The following ZYG11A variants were observed in gnomAD, a reference collection of about 807,000 sequenced individuals.
ZYG11A encodes protein zyg-11 homolog A.
ZYG11A carries 62 observed loss-of-function variants against 77.2 expected under a neutral mutation model. The ratio of observed to expected loss-of-function variants is 0.80; its 90% confidence interval spans 0.65 to 0.99. ZYG11A has a LOEUF of 0.99. Among genes scored for constraint, ZYG11A ranks in the 50% least tolerant of loss-of-function variants. ZYG11A has a pLI of 0.00. For synonymous variants in ZYG11A, 315 were observed against 324.6 expected (o/e 0.97, Z 0.32); for missense variants, 828 against 896.8 (o/e 0.92, Z 0.98).
rs1280898647 is a variant in ZYG11A, at chr1:52,894,050, A to C, written c.*1093A>C. 2.0e-5 allele frequency: 3 copies of C among 151,782 alleles called. No individual in the cohort carries two copies. Among genetic ancestry groups the C allele is most frequent in the African/African-American group, 7.3e-5 (3 of 41,284 alleles). The allele number at this position is 151,782 out of a possible 1,614,324, so 9.4% of individuals were successfully genotyped here. On this transcript the variant is annotated 3_prime_UTR_variant, in exon 14 of 14. Transcript: ENST00000371528. ...CTGGTCTCGACCTCCTGACCTCGTG[A>C]TCCACCCGTCTCGGCCTCCCAAAGT...
rs1645830810 is a variant in ZYG11A at position 52,857,268 on chromosome 1, T to A, written c.527T>A (p.Phe176Tyr). The A allele has an allele frequency of 1.9e-6, 3 of 1,552,062 alleles. No individual in the cohort carries two copies. The Admixed American group carries it at 5.9e-5, about 30-fold the overall frequency. ...TSIPQNSRLL[F>Y]FSQLTGLRIL... is the part of the protein sequence containing the mutation. ...ATCCCTCAAAATTCAAGATTACTGT[T>A]CTTTAGTCAGCTCACTGGTCTTCGC... The change falls in exon 3 of 14, where the codon TTC (phenylalanine) becomes TAC (tyrosine). Residue 176 changes from phenylalanine to tyrosine, a missense_variant. Phe to Tyr is a conservative substitution (Grantham distance 22). Coordinates refer to ENST00000371528, the MANE Select transcript of ZYG11A (RefSeq NM_001004339.3).
Position 52,842,844 on chromosome 1 carries a change from A to T in ZYG11A, c.-40A>T. 1 of 1,519,342 alleles carries T rather than the reference A, an allele frequency of 6.6e-7. No homozygotes were observed. Among genetic ancestry groups the T allele is most frequent in the Non-Finnish European group, 8.8e-7 (1 of 1,130,948 alleles). 94.1% of individuals were successfully genotyped at this position (1,519,342 alleles called of 1,614,324 possible). On this transcript the variant is annotated 5_prime_UTR_variant, in exon 1 of 14. Coordinates refer to ENST00000371528, the MANE Select transcript of ZYG11A (RefSeq NM_001004339.3). ...CTCGCGGGATCCGGGCTCCGGCTCG[A>T]CGCCGGCTCTCTTTTTGACGCCCCG...
At chr1:52,863,090 C>G (rs955741512) in intron 4 of ZYG11A, among the ~76,000 whole-genome samples, 2 of 152,096 alleles carry the variant, frequency 1.3e-5, no homozygotes, top group Non-Finnish European at 2.9e-5. Context: ...TTCTAAATTG[C>G]AGATGATGGC....
intron 8 of ZYG11A, among the ~76,000 whole-genome samples, chr1:52,876,340 G>A (rs1472224025): frequency 1.3e-5 from 2 of 152,128 alleles, no homozygotes; most frequent in Non-Finnish European, 2.9e-5. Context: ...TCAGGTAGGA[G>A]TTTTGCCATA....
intron 8 of ZYG11A, among the ~76,000 whole-genome samples, chr1:52,871,350 G>C (rs897286728): frequency 6.6e-6 from 1 of 151,648 alleles, no homozygotes; most frequent in Non-Finnish European, 1.5e-5. Flanking sequence ...TTGAGATGTT[G>C]GGTCGTTCAA....
chr1:52,877,872 A>G (rs1250011191), intron 9 of ZYG11A, 29 bp downstream of exon 9: 1 of 1,550,968 alleles, frequency 6.4e-7, no homozygotes, highest in Non-Finnish European at 8.7e-7. Flanking sequence ...GTTTATATGT[A>G]AAGTTCTTCT....
chr1:52,850,644 CG>C (rs961594127), intron 1 of ZYG11A, among the ~76,000 whole-genome samples: 14 of 152,144 alleles, frequency 9.2e-5, no homozygotes, highest in Non-Finnish European at 1.6e-4. Flanking sequence ...TTAATAGAGA[CG>C]GGGTTTCACC....
chr1:52,857,185 C>T lies in ZYG11A; in HGVS notation c.444C>T (p.Leu148=), dbSNP rs1304080254. 1 of 1,552,176 alleles carries T rather than the reference C, an allele frequency of 6.4e-7. No homozygotes were observed. Residue 148 remains leucine, a synonymous_variant, in exon 3 of 14, where the codon CTC becomes CTT. Coordinates refer to ENST00000371528, the MANE Select transcript of ZYG11A (RefSeq NM_001004339.3). ...DLPVPDIISG[L]CSNRWIQQNL... ...CAGTTCCAGACATCATAAGTGGACT[C>T]TGCAGCAATAGGTGGATCCAGCAAA...
Position 52,857,510 on chromosome 1 carries a change from T to C in ZYG11A, c.769T>C (p.Cys257Arg). 1 of 1,552,264 alleles carries C rather than the reference T, an allele frequency of 6.4e-7. No individual in the cohort carries two copies. Among genetic ancestry groups the C allele is most frequent in the Non-Finnish European group, 8.7e-7 (1 of 1,147,110 alleles). ...TCTTGCAGTCATTAGAGAACTTAAATGTCTGCTTCACCTTGATATTTCTGA... is the reference window on the plus strand; with the variant it reads ...TCTTGCAGTCATTAGAGAACTTAAACGTCTGCTTCACCTTGATATTTCTGA... ...QILAVIRELK[C>R]LLHLDISDHR... Residue 257 changes from cysteine to arginine, a missense_variant, in exon 3 of 14, where the codon TGT (cysteine) becomes CGT (arginine). Coordinates refer to ENST00000371528, the MANE Select transcript of ZYG11A (RefSeq NM_001004339.3).
chr1:52,862,040 C>G (rs927691068), intron 4 of ZYG11A, among the ~76,000 whole-genome samples: 1 of 151,866 alleles, frequency 6.6e-6, no homozygotes, highest in Non-Finnish European at 1.5e-5. Context: ...AGAACCCCGT[C>G]TCTACTAAAA....
chr1:52,867,204 T>C (rs1646042535), intron 6 of ZYG11A, among the ~76,000 whole-genome samples: 1 of 152,218 alleles, frequency 6.6e-6, no homozygotes, highest in Non-Finnish European at 1.5e-5. Flanking sequence ...ATTTTAGCAT[T>C]GTCTACTACT....
chr1:52,871,087 A>ACC (rs1435832386), intron 8 of ZYG11A, among the ~76,000 whole-genome samples: 4 of 152,206 alleles, frequency 2.6e-5, no homozygotes, highest in Non-Finnish European at 5.9e-5. Flanking sequence ...GATCGATGGC[A>ACC]CACCTGCAAA....
chr1:52,861,165 AG>A (rs1387221646), intron 4 of ZYG11A, among the ~76,000 whole-genome samples: 1 of 152,208 alleles, frequency 6.6e-6, no homozygotes, highest in Non-Finnish European at 1.5e-5. Flanking sequence ...AAAATAATTA[AG>A]GGTGGCCAAA....
chr1:52,862,592 G>C (rs537015992), intron 4 of ZYG11A, among the ~76,000 whole-genome samples: 1 of 152,062 alleles, frequency 6.6e-6, no homozygotes, highest in South Asian at 2.1e-4. Context: ...GATTACAGGC[G>C]TGAGCCACTG....
At chr1:52,864,740 G>A (rs529801489) in intron 5 of ZYG11A, among the ~76,000 whole-genome samples, 5 of 151,700 alleles carry the variant, frequency 3.3e-5, no homozygotes, top group Non-Finnish European at 7.4e-5. Context: ...CGCCTCCTGG[G>A]TTCGTGCCAT....
At chr1:52,864,656 T>G (rs1645990988) in intron 5 of ZYG11A, among the ~76,000 whole-genome samples, 1 of 151,860 alleles carries the variant, frequency 6.6e-6, no homozygotes, top group African/African-American at 2.4e-5. Context: ...TAAAATTTTC[T>G]TTTTTTTGAG....
chr1:52,876,716 A>G (rs778797140), intron 8 of ZYG11A, among the ~76,000 whole-genome samples: 2 of 152,116 alleles, frequency 1.3e-5, no homozygotes, highest in Admixed American at 6.6e-5. Context: ...ACTCTCACAG[A>G]TTTATTTTTG....
chr1:52,881,795 A>G (rs1415246581), intron 11 of ZYG11A, 130 bp downstream of exon 11: 2 of 665,276 alleles, frequency 3.0e-6, no homozygotes, highest in Non-Finnish European at 2.4e-6. Flanking sequence ...ACTAACCCAT[A>G]TCTTTCCATC....
chr1:52,873,085 C>A (rs557920), intron 8 of ZYG11A, among the ~76,000 whole-genome samples: 62,865 of 151,494 alleles, frequency 0.41, 15,838 homozygotes, highest in Non-Finnish European at 0.58. Flanking sequence ...TTTGGGAGGC[C>A]AAGGCGAGCA....
Sources: allele counts gnomAD v4.1 joint callset (sites outside exome capture counted in the v4.1 genomes callset), GRCh38; gene constraint gnomAD v4.1.1; transcripts MANE v1.5; gene names NCBI Gene and HGNC (gene_info 2026-07-23, HGNC 2026-07-21).